Variants in PPA1 observed in about 807,000 individuals in gnomAD.
PPA1 encodes inorganic pyrophosphatase 1.
A neutral mutation model predicts 41.8 loss-of-function variants in PPA1; 23 were observed. The observed-to-expected ratio is 0.55, with a 90% CI of 0.40 to 0.78. PPA1 has a LOEUF of 0.78. Among genes scored for constraint, PPA1 ranks in the 30% least tolerant of loss-of-function variants. The probability of loss-of-function intolerance (pLI) is 0.00; values close to 1 mark genes in which losing one functional copy is unlikely to be tolerated. For missense variants in PPA1, 320 were observed against 361.6 expected (o/e 0.89, Z 0.93); for synonymous variants, 101 against 116.8 (o/e 0.86, Z 0.87).
chr10:70,213,328 A>G, intron 6 of PPA1, 135 bp downstream of exon 6: 1 of 1,039,296 alleles, frequency 9.6e-7, no homozygotes, highest in Non-Finnish European at 1.3e-6. Flanking sequence ...CATAGAAATA[A>G]TGCTTGTCCA....
Position 70,207,853 on chromosome 10 carries a change from A to G in PPA1, c.725+1352T>C, listed in dbSNP as rs116261997. Reference sequence around the variant, plus strand: ...GTTTATCCGTAGTTCAAGTTTTCCTATATATTAGTCATTATAGTACTAATA... The same window carrying G: ...GTTTATCCGTAGTTCAAGTTTTCCTGTATATTAGTCATTATAGTACTAATA... On this transcript the variant is annotated intron_variant, in intron 8 of 10. Transcript: ENST00000373232. 8.3e-3 allele frequency among the ~76,000 whole-genome samples: 1,257 copies of G among 152,234 alleles called. 21 individuals carry two copies. Among genetic ancestry groups the G allele is most frequent in the African/African-American group, 0.029 (1,208 of 41,536 alleles).
intron 8 of PPA1, among the ~76,000 whole-genome samples, chr10:70,208,385 T>G (rs9415955): frequency 1.3e-5 from 2 of 151,784 alleles, no homozygotes; most frequent in South Asian, 4.2e-4. Context: ...GGTGCCCCAG[T>G]TGGAGTGCAG....
In PPA1 at chr10:70,209,523, T is replaced by C. The variant is rs758170064; in HGVS notation, c.639+35A>G. On this transcript the variant is annotated intron_variant, in intron 7 of 10. Transcript: ENST00000373232. ...GTTAAATTATGAGTCTCAATACAAA[T>C]GAGCCTAAAGCTACAGTTCTGAATG... 11 of 1,563,762 alleles carry C rather than the reference T, an allele frequency of 7.0e-6. No homozygotes were observed. The African/African-American group carries it at 1.2e-4, about 18-fold the overall frequency.
chr10:70,209,142 T>C (rs1322349972), intron 8 of PPA1, 63 bp downstream of exon 8: 2 of 1,244,838 alleles, frequency 1.6e-6, no homozygotes, highest in African/African-American at 1.5e-5. Flanking sequence ...CTTATGATTA[T>C]TAAAACCTTT....
rs187592948 is a variant in PPA1, at chr10:70,205,014, C to G, written c.796-99G>C. The stretch of plus-strand genomic sequence containing the variant: ...ATTTAAGAGAATCTGAAGACTATCC[C>G]AAATTTTAGGATCTAAACGTAATTT... On this transcript the variant is annotated intron_variant, in intron 9 of 10. Coordinates refer to ENST00000373232, the MANE Select transcript of PPA1 (RefSeq NM_021129.4). 1.2e-5 allele frequency: 10 copies of G among 852,888 alleles called. No individual in the cohort carries two copies. In the African/African-American group the frequency reaches 1.7e-4, roughly 15 times the overall value. 52.8% of individuals were successfully genotyped at this position (852,888 alleles called of 1,614,324 possible). A position where few individuals can be genotyped will look rare whatever the true frequency, so the allele number is the denominator to read the frequency against.
intron 2 of PPA1, among the ~76,000 whole-genome samples, chr10:70,220,965 A>C (rs1840150731): frequency 3.0e-5 from 1 of 33,408 alleles, no homozygotes; most frequent in African/African-American, 1.6e-4. Context: ...AATATATATA[A>C]TTTTTATATA....
chr10:70,224,511 C>T (rs1033452364), intron 2 of PPA1, among the ~76,000 whole-genome samples: 2 of 152,124 alleles, frequency 1.3e-5, no homozygotes, highest in Non-Finnish European at 2.9e-5. Context: ...TATGGTGAGG[C>T]CCCGTCTCAT....
intron 3 of PPA1, among the ~76,000 whole-genome samples, 163 bp from the exon 4 acceptor site, chr10:70,218,094 G>A (rs60903998): frequency 0.057 from 8,673 of 151,934 alleles, 517 homozygotes; most frequent in African/African-American, 0.15. Flanking sequence ...TTCCATAATC[G>A]GCCATTAAGT....
chr10:70,211,791 A>G (rs920963814), intron 6 of PPA1, among the ~76,000 whole-genome samples: 1 of 152,216 alleles, frequency 6.6e-6, no homozygotes, highest in Non-Finnish European at 1.5e-5. Context: ...GTTCTCTTGC[A>G]TAAGAAGCAC....
chr10:70,231,915 A>G (rs1840293528), intron 1 of PPA1, among the ~76,000 whole-genome samples: 1 of 152,226 alleles, frequency 6.6e-6, no homozygotes, highest in Non-Finnish European at 1.5e-5. Flanking sequence ...TATAGCTTGA[A>G]GATCCACCCC....
chr10:70,214,649 A>G (rs1840059214), intron 4 of PPA1, 63 bp from the exon 5 acceptor site: 2 of 1,278,330 alleles, frequency 1.6e-6, no homozygotes, highest in Non-Finnish European at 1.1e-6. Context: ...CATGTTGAGA[A>G]TAACAGATAA....
At chr10:70,211,112 T>C (rs1391483575) in intron 6 of PPA1, among the ~76,000 whole-genome samples, 1 of 152,202 alleles carries the variant, frequency 6.6e-6, no homozygotes, top group East Asian at 1.9e-4. Flanking sequence ...CATTCTATTA[T>C]CATAATATCA....
intron 2 of PPA1, among the ~76,000 whole-genome samples, chr10:70,228,050 C>T (rs1840251378): frequency 6.6e-6 from 1 of 152,110 alleles, no homozygotes; most frequent in Admixed American, 6.6e-5. Flanking sequence ...AGAATTCCTT[C>T]CAGCCTCTCA....
rs190567977 is a variant in PPA1 at position 70,203,812 on chromosome 10, C to G, written c.839-626G>C. 3.7e-3 allele frequency: 564 copies of G among 152,486 alleles called. 7 individuals are homozygous for G. Among genetic ancestry groups the G allele is most frequent in the African/African-American group, 0.013 (542 of 41,506 alleles). 9.4% of individuals were successfully genotyped at this position (152,486 alleles called of 1,614,324 possible). On this transcript the variant is annotated intron_variant, in intron 10 of 10. Coordinates refer to ENST00000373232, the MANE Select transcript of PPA1 (RefSeq NM_021129.4). ...GAGAACTGTTTTCTGGGTGAAGCAG[C>G]CTGTGGCCAGGTGGGAATGTGGAGA...
At chr10:70,231,627 C>G (rs913365624) in intron 1 of PPA1, among the ~76,000 whole-genome samples, 1 of 152,182 alleles carries the variant, frequency 6.6e-6, no homozygotes, top group African/African-American at 2.4e-5. Context: ...TGCAGTCTGT[C>G]CAGCCCTTTA....
intron 2 of PPA1, among the ~76,000 whole-genome samples, chr10:70,225,013 G>A (rs1345970362): frequency 6.6e-6 from 1 of 152,220 alleles, no homozygotes; most frequent in East Asian, 1.9e-4. Flanking sequence ...TTACAGGCAT[G>A]AGCCACCGCG....
At chr10:70,223,478 C>G (rs1312951388) in intron 2 of PPA1, among the ~76,000 whole-genome samples, 2 of 152,106 alleles carry the variant, frequency 1.3e-5, no homozygotes, top group Non-Finnish European at 2.9e-5. Context: ...CCTATGCATC[C>G]CTAGTAGCTG....
chr10:70,204,769 CATAAAT>C (rs1564579641), intron 10 of PPA1, 98 bp downstream of exon 10: 1 of 918,360 alleles, frequency 1.1e-6, no homozygotes, highest in Non-Finnish European at 1.7e-6. Context: ...ACACTGTACC[CATAAAT>C]ATATTTAATT....
In PPA1 at chr10:70,233,284, A is replaced by C. The variant is rs1176818287; in HGVS notation, c.44T>G (p.Leu15Arg). The C allele has an allele frequency of 6.5e-7, 1 of 1,543,186 alleles. No homozygotes were observed. The highest frequency in any genetic ancestry group is 8.7e-7 in the Non-Finnish European group (1 of 1,144,586). The part of the protein sequence containing the change: ...STEERAAPFS[L>R]EYRVFLKNEK... ...CTCACTGAGGAAGACTCGGTACTCC[A>C]GGGAGAAGGGCGCGGCGCGCTCCTC... The change falls in exon 1 of 11, where the codon CTG becomes CGG. Residue 15 changes from leucine to arginine, a missense_variant. Coordinates refer to ENST00000373232, the MANE Select transcript of PPA1 (RefSeq NM_021129.4).
Sources: gnomAD v4.1 joint callset for allele counts (sites outside exome capture counted in the v4.1 genomes callset) on GRCh38, gnomAD v4.1.1 for gene constraint, MANE v1.5 for transcripts, NCBI Gene and HGNC (gene_info 2026-07-23, HGNC 2026-07-21) for gene names.